The following TMEM144 variants were observed in gnomAD, a reference collection of about 807,000 sequenced individuals.
TMEM144 encodes the protein transmembrane protein 144.
TMEM144 carries 39 observed loss-of-function variants against 43.6 expected under a neutral mutation model. That is an observed-to-expected ratio of 0.90 (90% CI 0.69 to 1.17). The LOEUF (loss-of-function observed/expected upper bound fraction) is 1.17, where lower values mean the gene tolerates loss of function less well. Among genes scored for constraint, TMEM144 ranks in the 50% most tolerant of loss-of-function variants. The pLI, the probability that TMEM144 is intolerant of heterozygous loss-of-function variation, is 0.00. For missense variants in TMEM144, 417 were observed against 411.9 expected, an observed-to-expected ratio of 1.01 and a Z score of -0.11; for synonymous variants, 154 against 133.6, an observed-to-expected ratio of 1.15 and a Z score of -1.06.
chr4:158,214,194 A>C (rs1456140190), intron 3 of TMEM144, among the ~76,000 whole-genome samples: 6 of 151,866 alleles, frequency 4.0e-5, no homozygotes, highest in African/African-American at 1.5e-4. Flanking sequence ...ACACTACCAC[A>C]CCCGGCTAAT....
intron 12 of TMEM144, among the ~76,000 whole-genome samples, chr4:158,249,065 C>G (rs1450250785): frequency 2.0e-5 from 3 of 152,126 alleles, no homozygotes; most frequent in Non-Finnish European, 4.4e-5. Context: ...CGCCACCACG[C>G]CCAGCTAATT....
intron 3 of TMEM144, among the ~76,000 whole-genome samples, 166 bp from the exon 4 acceptor site, chr4:158,215,025 G>T (rs973805681): frequency 6.6e-6 from 1 of 152,170 alleles, no homozygotes; most frequent in Non-Finnish European, 1.5e-5. Flanking sequence ...TTGAGCTAGG[G>T]TTAATTATGT....
rs1253756518 is a variant in TMEM144, at chr4:158,253,469, T to C, written c.980T>C (p.Ile327Thr). The C allele has an allele frequency of 1.2e-6, 2 of 1,613,656 alleles. No individual in the cohort carries two copies. The highest frequency in any genetic ancestry group is 2.7e-5 in the African/African-American group (2 of 74,928). The part of the protein sequence containing the change: ...IKGLQNYLLM[I>T]LAFCIILTGA... ...GGTCTACAAAACTACCTATTAATGA[T>C]ACTTGCATTTTGCATCATCTTGACT... Residue 327 changes from isoleucine to threonine, a missense_variant, in exon 13 of 13, where the codon ATA becomes ACA. Coordinates refer to ENST00000296529, the MANE Select transcript of TMEM144 (RefSeq NM_018342.5).
intron 12 of TMEM144, among the ~76,000 whole-genome samples, chr4:158,250,454 T>C (rs1022570598): frequency 6.6e-6 from 1 of 152,126 alleles, no homozygotes; most frequent in African/African-American, 2.4e-5. Context: ...GTCCACTCTT[T>C]GAAGTGAGAA....
chr4:158,254,313 G>C lies in TMEM144; in HGVS notation c.*786G>C, dbSNP rs566373559. ...ATTTAAAGGAAACAACCACTCTTTTGAATGTACAACTTTTTTTTCTGAAAT... is the reference window on the plus strand; with the variant it reads ...ATTTAAAGGAAACAACCACTCTTTTCAATGTACAACTTTTTTTTCTGAAAT... On this transcript the variant is annotated 3_prime_UTR_variant, in exon 13 of 13. Transcript: ENST00000296529. 2 of 152,110 alleles carry C rather than the reference G, an allele frequency of 1.3e-5. No individual in the cohort carries two copies. Among genetic ancestry groups the C allele is most frequent in the East Asian group, 3.9e-4 (2 of 5,172 alleles). 9.4% of individuals were successfully genotyped at this position (152,110 alleles called of 1,614,324 possible). A position where few individuals can be genotyped will look rare whatever the true frequency, so the allele number is the denominator to read the frequency against.
chr4:158,231,700 G>A (rs1013531344), intron 6 of TMEM144, among the ~76,000 whole-genome samples: 5 of 152,112 alleles, frequency 3.3e-5, no homozygotes, highest in East Asian at 1.9e-4. Flanking sequence ...AGTGCAAGTC[G>A]TTGTGAAAAA....
chr4:158,222,028 A>C (rs1032624594), intron 6 of TMEM144, among the ~76,000 whole-genome samples: 2 of 152,216 alleles, frequency 1.3e-5, no homozygotes, highest in Non-Finnish European at 2.9e-5. Context: ...TTCAAATTCA[A>C]AACCTGTCAT....
chr4:158,228,431 G>C (rs1194244242), intron 6 of TMEM144, among the ~76,000 whole-genome samples: 1 of 152,176 alleles, frequency 6.6e-6, no homozygotes, highest in Non-Finnish European at 1.5e-5. Context: ...TGGGTGATCA[G>C]GCCACGCTTC....
At chr4:158,222,315 G>T (rs180904276) in intron 6 of TMEM144, among the ~76,000 whole-genome samples, 1 of 152,208 alleles carries the variant, frequency 6.6e-6, no homozygotes, top group African/African-American at 2.4e-5. Context: ...TCCTTAATCT[G>T]GCTTGTCCCT....
chr4:158,246,743 T>C (rs1735910741), intron 12 of TMEM144, among the ~76,000 whole-genome samples: 1 of 152,088 alleles, frequency 6.6e-6, no homozygotes, highest in South Asian at 2.1e-4. Context: ...AAAGAATTGG[T>C]TATTATCTCA....
intron 12 of TMEM144, among the ~76,000 whole-genome samples, chr4:158,247,030 C>T (rs1366883691): frequency 2.0e-5 from 3 of 151,806 alleles, no homozygotes; most frequent in Non-Finnish European, 4.4e-5. Flanking sequence ...TAAAAAGACA[C>T]ATCAGACTGA....
chr4:158,213,634 A>G (rs1366469273), intron 3 of TMEM144: 4 of 152,178 alleles, frequency 2.6e-5, no homozygotes, highest in Admixed American at 2.6e-4. Context: ...GAGAAGCAAG[A>G]GTTATTTGTA....
chr4:158,249,887 G>GGTGT lies in TMEM144; in HGVS notation c.955-3514_955-3511dup, dbSNP rs149144602. ...CTGGGAAATCCAAAGCCTACTGCCA[G>GGTGT]GTGTGTGTGTGTGTGTGTGTGTGTG... On this transcript the variant is annotated intron_variant, in intron 12 of 12. Coordinates refer to ENST00000296529, the MANE Select transcript of TMEM144 (RefSeq NM_018342.5). Among the ~76,000 whole-genome samples, 1,133 of 134,496 alleles carry GGTGT rather than the reference G, an allele frequency of 8.4e-3. 5 individuals are homozygous for GGTGT. Among genetic ancestry groups the GGTGT allele is most frequent in the African/African-American group, 0.013 (468 of 36,922 alleles). 88.2% of individuals were successfully genotyped at this position (134,496 alleles called of 152,430 possible). A position where few individuals can be genotyped will look rare whatever the true frequency, so the allele number is the denominator to read the frequency against.
At chr4:158,241,982 T>C (rs1459890080) in intron 11 of TMEM144, among the ~76,000 whole-genome samples, 1 of 152,230 alleles carries the variant, frequency 6.6e-6, no homozygotes, top group African/African-American at 2.4e-5. Flanking sequence ...ACAAACAATA[T>C]CCTTCACAAA....
chr4:158,213,497 G>A (rs1734068276), intron 3 of TMEM144: 1 of 152,220 alleles, frequency 6.6e-6, no homozygotes, highest in African/African-American at 2.4e-5. Flanking sequence ...GTTGAGTGTT[G>A]TTCTCCTAGC....
intron 8 of TMEM144, 113 bp downstream of exon 8, chr4:158,235,618 G>C: frequency 9.1e-7 from 1 of 1,103,208 alleles, no homozygotes; most frequent in Middle Eastern, 2.1e-4. Context: ...TGTAATGCAA[G>C]CTTTGACTTC....
chr4:158,229,780 T>A (rs1734975563), intron 6 of TMEM144, among the ~76,000 whole-genome samples: 1 of 152,198 alleles, frequency 6.6e-6, no homozygotes, highest in Non-Finnish European at 1.5e-5. Context: ...GGCCACATTC[T>A]GCCACAGACA....
intron 12 of TMEM144, among the ~76,000 whole-genome samples, chr4:158,250,303 C>T (rs1401385234): frequency 6.7e-6 from 1 of 150,352 alleles, no homozygotes; most frequent in Non-Finnish European, 1.5e-5. Flanking sequence ...TTTCACATTC[C>T]CTCCATCCTG....
intron 9 of TMEM144, among the ~76,000 whole-genome samples, chr4:158,238,955 T>C (rs149569795): frequency 9.8e-5 from 15 of 152,356 alleles, no homozygotes; most frequent in African/African-American, 3.6e-4. Context: ...TTTTATTTCA[T>C]TTATTTAAAA....
Sources: allele counts gnomAD v4.1 joint callset (sites outside exome capture counted in the v4.1 genomes callset), GRCh38; gene constraint gnomAD v4.1.1; transcripts MANE v1.5; gene names NCBI Gene and HGNC (gene_info 2026-07-23, HGNC 2026-07-21).